The following MDFIC2 variants were observed in gnomAD, a reference collection of about 807,000 sequenced individuals.
MDFIC2 encodes myoD family inhibitor domain-containing protein 2.
intron 2 of MDFIC2, among the ~76,000 whole-genome samples, chr3:70,245,672 T>C (rs2106645567): frequency 6.8e-5 from 1 of 14,702 alleles, no homozygotes. Flanking sequence ...CAAACTGCTT[T>C]ATATATATAT....
At chr3:70,263,212 C>T (rs1399882940) in intron 2 of MDFIC2, among the ~76,000 whole-genome samples, 2 of 151,972 alleles carry the variant, frequency 1.3e-5, no homozygotes, top group Admixed American at 1.3e-4. Flanking sequence ...ATCATATTTT[C>T]CTGCTTCTTC....
chr3:70,232,489 T>A (rs1243980736), intron 2 of MDFIC2, among the ~76,000 whole-genome samples: 1 of 151,708 alleles, frequency 6.6e-6, no homozygotes, highest in Non-Finnish European at 1.5e-5. Flanking sequence ...AACCTCCGAC[T>A]CCCGGGTTCA....
intron 2 of MDFIC2, among the ~76,000 whole-genome samples, chr3:70,248,197 T>C (rs1239327979): frequency 6.6e-6 from 1 of 152,064 alleles, no homozygotes; most frequent in African/African-American, 2.4e-5. Flanking sequence ...AAGTAAATAA[T>C]TGCAAAGCAT....
At chr3:70,260,710 A>G (rs1025184896) in intron 2 of MDFIC2, among the ~76,000 whole-genome samples, 3 of 152,080 alleles carry the variant, frequency 2.0e-5, no homozygotes, top group African/African-American at 7.2e-5. Context: ...TGGGATACCT[A>G]TAACTTATCC....
intron 2 of MDFIC2, among the ~76,000 whole-genome samples, chr3:70,286,943 T>C (rs1702171655): frequency 6.6e-6 from 1 of 151,524 alleles, no homozygotes; most frequent in African/African-American, 2.4e-5. Context: ...CTTATCAGCT[T>C]AAGGAGATTT....
chr3:70,226,121 C>G (rs1235004903), intron 2 of MDFIC2, among the ~76,000 whole-genome samples: 2 of 152,076 alleles, frequency 1.3e-5, no homozygotes, highest in Non-Finnish European at 2.9e-5. Flanking sequence ...ATACAACATC[C>G]CCACCTAATA....
At chr3:70,296,194 T>G (rs1702287802) in intron 2 of MDFIC2, among the ~76,000 whole-genome samples, 1 of 152,224 alleles carries the variant, frequency 6.6e-6, no homozygotes, top group African/African-American at 2.4e-5. Context: ...TTTACCCATA[T>G]CACTAACCAT....
At chr3:70,297,570 TA>T (rs1196808600) in intron 2 of MDFIC2, among the ~76,000 whole-genome samples, 14 of 152,152 alleles carry the variant, frequency 9.2e-5, no homozygotes, top group Admixed American at 9.2e-4. Flanking sequence ...GAGCAATATG[TA>T]TATTTGTGTT....
intron 2 of MDFIC2, among the ~76,000 whole-genome samples, chr3:70,280,948 CCT>C (rs1415584330): frequency 1.3e-5 from 2 of 152,092 alleles, no homozygotes. Flanking sequence ...CATATCATAC[CCT>C]TTTTGTGTGA....
chr3:70,241,422 TA>T (rs1440891255), intron 2 of MDFIC2, among the ~76,000 whole-genome samples: 3 of 152,168 alleles, frequency 2.0e-5, no homozygotes, highest in African/African-American at 4.8e-5. Context: ...TGACTAACAC[TA>T]AAAAAGTTTA....
intron 2 of MDFIC2, among the ~76,000 whole-genome samples, chr3:70,310,430 A>G (rs919715900): frequency 1.3e-5 from 2 of 151,134 alleles, no homozygotes; most frequent in African/African-American, 2.4e-5. Flanking sequence ...CAGTGGTGTG[A>G]TCTCGGCTCA....
intron 2 of MDFIC2, among the ~76,000 whole-genome samples, chr3:70,291,549 T>C (rs149711533): frequency 6.6e-6 from 1 of 152,314 alleles, no homozygotes; most frequent in East Asian, 1.9e-4. Flanking sequence ...CATCACATTC[T>C]GAGATTCTCA....
At chr3:70,197,944 G>A (rs890685031) in intron 3 of MDFIC2, among the ~76,000 whole-genome samples, 2 of 152,130 alleles carry the variant, frequency 1.3e-5, no homozygotes, top group Non-Finnish European at 2.9e-5. Flanking sequence ...AGGCATTGAA[G>A]GTAACTGGTA....
intron 2 of MDFIC2, among the ~76,000 whole-genome samples, chr3:70,248,055 A>C (rs1186855446): frequency 6.6e-6 from 1 of 152,048 alleles, no homozygotes; most frequent in Non-Finnish European, 1.5e-5. Context: ...GGAGAATGGT[A>C]AAGGAGATAG....
chr3:70,302,372 AAAAGT>A (rs1702357746), intron 2 of MDFIC2, among the ~76,000 whole-genome samples: 2 of 152,148 alleles, frequency 1.3e-5, no homozygotes. Flanking sequence ...ATAATCTTAT[AAAAGT>A]AAAGTATCTC....
intron 2 of MDFIC2, among the ~76,000 whole-genome samples, chr3:70,290,805 T>G (rs968453305): frequency 3.3e-5 from 5 of 152,160 alleles, no homozygotes; most frequent in Non-Finnish European, 7.3e-5. Flanking sequence ...AGTATTCGGG[T>G]GGGAGTGACC....
chr3:70,206,489 T>C (rs564431571), intron 3 of MDFIC2, 80 bp downstream of exon 3: 5 of 396,094 alleles, frequency 1.3e-5, no homozygotes, highest in Non-Finnish European at 2.2e-5. Flanking sequence ...TTTTTTTTCC[T>C]AACAGCATAT....
At chr3:70,296,660 AT>A (rs901898588) in intron 2 of MDFIC2, among the ~76,000 whole-genome samples, 7 of 152,080 alleles carry the variant, frequency 4.6e-5, no homozygotes, top group African/African-American at 1.7e-4. Flanking sequence ...CCCACAGCCA[AT>A]TACCAGCAAG....
intron 2 of MDFIC2, among the ~76,000 whole-genome samples, chr3:70,303,033 T>C (rs78702174): frequency 0.038 from 5,832 of 152,266 alleles, 156 homozygotes; most frequent in East Asian, 0.08. Context: ...AGAATCAAAA[T>C]GATTTTGACA....
Sources: gnomAD v4.1 joint callset for allele counts (sites outside exome capture counted in the v4.1 genomes callset) on GRCh38, gnomAD v4.1.1 for gene constraint, MANE v1.5 for transcripts, NCBI Gene and HGNC (gene_info 2026-07-23, HGNC 2026-07-21) for gene names.